Variants in STX6 observed in about 807,000 individuals in gnomAD.
STX6 encodes syntaxin 6.
A neutral mutation model predicts 38.0 loss-of-function variants in STX6; 23 were observed. The ratio of observed to expected loss-of-function variants is 0.60; its 90% CI spans 0.43 to 0.86. STX6 has a LOEUF of 0.86. STX6 is among the 40% of genes least tolerant of loss of function. The pLI, the probability that STX6 is intolerant of heterozygous loss-of-function variation, is 0.00. For missense variants in STX6, 274 were observed against 312.9 expected (o/e 0.88, Z 0.94); for synonymous variants, 123 against 107.5 (o/e 1.14, Z -0.89).
chr1:181,022,271 G>C (rs1420733362), intron 1 of STX6, among the ~76,000 whole-genome samples: 1 of 152,098 alleles, frequency 6.6e-6, no homozygotes, highest in African/African-American at 2.4e-5. Flanking sequence ...TGCTGTTTTC[G>C]CTCCTTCGAA....
At chr1:181,012,611 G>C (rs1406994895) in intron 1 of STX6, among the ~76,000 whole-genome samples, 1 of 150,796 alleles carries the variant, frequency 6.6e-6, no homozygotes, top group Non-Finnish European at 1.5e-5. Context: ...CCACATCTTT[G>C]AAGAATGCAT....
At chr1:180,989,208 T>C (rs773261006) in intron 5 of STX6, 1 of 152,040 alleles carries the variant, frequency 6.6e-6, no homozygotes, top group Non-Finnish European at 1.5e-5. Context: ...AACCAACCAA[T>C]AGGCCGGGCG....
rs1173903629 is a variant in STX6 at position 180,976,448 on chromosome 1, G to C, written c.*122C>G. 2.3e-5 allele frequency: 20 copies of C among 872,416 alleles called. No homozygotes were observed. Among genetic ancestry groups the C allele is most frequent in the Non-Finnish European group, 3.6e-5 (19 of 534,968 alleles). The allele number at this position is 872,416 out of a possible 1,614,324, so 54.0% of individuals were successfully genotyped here. ...CAATTGTGGGGTCACACGGAGAAAA[G>C]TCAGTGCAGCAGTATGTTTCCAGGA... is the stretch of plus-strand genomic sequence containing the variant. On this transcript the variant is annotated 3_prime_UTR_variant, in exon 8 of 8. Coordinates refer to ENST00000258301, the MANE Select transcript of STX6 (RefSeq NM_005819.6).
At chr1:180,988,405 A>G (rs2102307715) in intron 5 of STX6, 60 bp from the exon 6 acceptor site, 1 of 1,320,266 alleles carries the variant, frequency 7.6e-7, no homozygotes, top group Middle Eastern at 1.8e-4. Context: ...TTCCAAGCCC[A>G]GCACTCTAGC....
At chr1:180,994,120 T>C (rs1364227527) in intron 3 of STX6, among the ~76,000 whole-genome samples, 2 of 152,232 alleles carry the variant, frequency 1.3e-5, no homozygotes, top group African/African-American at 4.8e-5. Context: ...CAAAACACTT[T>C]ATTAAATATG....
At chr1:180,998,564 A>G (rs984757959) in intron 3 of STX6, among the ~76,000 whole-genome samples, 1 of 151,958 alleles carries the variant, frequency 6.6e-6, no homozygotes, top group African/African-American at 2.4e-5. Context: ...TATTTTTAGT[A>G]GAGACAGAGT....
At chr1:181,010,593 C>T (rs955186893) in intron 1 of STX6, among the ~76,000 whole-genome samples, 3 of 152,072 alleles carry the variant, frequency 2.0e-5, no homozygotes, top group East Asian at 1.9e-4. Flanking sequence ...TGAGCCTCCG[C>T]GCCCGGCCTC....
chr1:181,012,256 G>C (rs1656421862), intron 1 of STX6, among the ~76,000 whole-genome samples: 1 of 152,170 alleles, frequency 6.6e-6, no homozygotes, highest in Non-Finnish European at 1.5e-5. Context: ...TGCTGACCCA[G>C]AGAAGCCTTT....
At chr1:181,019,133 A>T (rs1217075049) in intron 1 of STX6, among the ~76,000 whole-genome samples, 1 of 152,136 alleles carries the variant, frequency 6.6e-6, no homozygotes, top group African/African-American at 2.4e-5. Flanking sequence ...GGCACTGGAG[A>T]TGCATCCTTT....
At chr1:180,990,698 G>T (rs2102309705) in intron 4 of STX6, among the ~76,000 whole-genome samples, 1 of 152,252 alleles carries the variant, frequency 6.6e-6, no homozygotes, top group East Asian at 1.9e-4. Context: ...TGACAACTGG[G>T]GGTTACTTTA....
At position 180,976,261 on chromosome 1, in the gene STX6, C is replaced by G; in HGVS notation, c.*309G>C. The G allele has an allele frequency of 2.8e-6, 1 of 358,114 alleles. No individual in the cohort carries two copies. Among genetic ancestry groups the G allele is most frequent in the South Asian group, 3.3e-5 (1 of 30,362 alleles). The allele number at this position is 358,114 out of a possible 1,614,324, so 22.2% of individuals were successfully genotyped here. A position where few individuals can be genotyped will look rare whatever the true frequency, so the allele number is the denominator to read the frequency against. On this transcript the variant is annotated 3_prime_UTR_variant, in exon 8 of 8. Transcript: ENST00000258301. ...CAAAACACCAGTGGAGTCTGTAAGT[C>G]CCTCCTCAGCAAACGAGGTCCCGGA...
intron 2 of STX6, among the ~76,000 whole-genome samples, chr1:181,003,941 A>G (rs1656153652): frequency 6.6e-6 from 1 of 152,258 alleles, no homozygotes; most frequent in Admixed American, 6.5e-5. Context: ...GTAGCACTGT[A>G]ACATCACTTC....
chr1:181,019,335 T>C (rs890519978), intron 1 of STX6, among the ~76,000 whole-genome samples: 3 of 140,326 alleles, frequency 2.1e-5, no homozygotes, highest in African/African-American at 8.1e-5. Flanking sequence ...ATTCAAGGTG[T>C]AGGCTGGAAA....
rs1656778202 is a variant in STX6 at position 181,022,683 on chromosome 1, GC to G, written c.-11del. The G allele has an allele frequency of 6.2e-7, 1 of 1,606,202 alleles. No individual in the cohort carries two copies. ...GGTCCTCCATGGACATGGCGTCCCG[GC>G]CCCGGCCGCCTTCACCTCCTCCGCG... On this transcript the variant is annotated 5_prime_UTR_variant, in exon 1 of 8. Transcript: ENST00000258301.
chr1:180,989,902 C>T (rs1190566246), intron 5 of STX6, 82 bp downstream of exon 5: 3 of 1,548,122 alleles, frequency 1.9e-6, no homozygotes, highest in Non-Finnish European at 2.7e-6. Flanking sequence ...CACTAAGCCA[C>T]AAGACCCCAT....
intron 6 of STX6, among the ~76,000 whole-genome samples, chr1:180,986,329 T>C (rs1443823921): frequency 6.7e-6 from 1 of 149,900 alleles, no homozygotes; most frequent in Non-Finnish European, 1.5e-5. Flanking sequence ...ATAGCCAAAA[T>C]ACTGTAATTT....
rs1396266737 is a variant in STX6 at position 180,976,011 on chromosome 1, T to C, written c.*559A>G. 1.3e-5 allele frequency: 2 copies of C among 152,584 alleles called. No homozygotes were observed. Among genetic ancestry groups the C allele is most frequent in the African/African-American group, 4.8e-5 (2 of 41,426 alleles). 9.5% of individuals were successfully genotyped at this position (152,584 alleles called of 1,614,324 possible). On this transcript the variant is annotated 3_prime_UTR_variant, in exon 8 of 8. Transcript: ENST00000258301. The stretch of plus-strand genomic sequence containing the variant: ...TATCTTAGCATTTATCCCTGAAAAA[T>C]GAAACACTGCATTTTCTGTCACAAA...
intron 7 of STX6, among the ~76,000 whole-genome samples, chr1:180,982,503 G>A (rs1571325793): frequency 6.6e-6 from 1 of 152,150 alleles, no homozygotes; most frequent in East Asian, 1.9e-4. Flanking sequence ...GGAAAAAGTA[G>A]AATAAAGCAT....
chr1:181,014,393 C>CA (rs11334153), intron 1 of STX6, among the ~76,000 whole-genome samples: 172 of 138,796 alleles, frequency 1.2e-3, no homozygotes, highest in East Asian at 1.5e-3. Context: ...GACTCCATCT[C>CA]AAAAAAAAAA....
Sources: gnomAD v4.1 joint callset for allele counts (sites outside exome capture counted in the v4.1 genomes callset) on GRCh38, gnomAD v4.1.1 for gene constraint, MANE v1.5 for transcripts, NCBI Gene and HGNC (gene_info 2026-07-23, HGNC 2026-07-21) for gene names.